CERS6: variants seen among roughly 807,000 people sequenced by gnomAD.
CERS6 encodes ceramide synthase 6, also known as LAG1 homolog, ceramide synthase 6.
A neutral mutation model predicts 56.8 loss-of-function variants in CERS6; 26 were observed. The ratio of observed to expected loss-of-function variants is 0.46; its 90% CI spans 0.34 to 0.63. CERS6 has a LOEUF of 0.63. CERS6 is among the 30% of genes least tolerant of loss of function. The pLI, the probability that CERS6 is intolerant of heterozygous loss-of-function variation, is 0.01. For synonymous variants in CERS6, 164 were observed against 173.3 expected (o/e 0.95, Z 0.42); for missense variants, 415 against 467.5 (o/e 0.89, Z 1.04).
chr2:168,536,532 C>T (rs1695267473), intron 1 of CERS6, among the ~76,000 whole-genome samples: 1 of 151,870 alleles, frequency 6.6e-6, no homozygotes, highest in Non-Finnish European at 1.5e-5. Context: ...TATATGTATC[C>T]TATAACATGT....
intron 6 of CERS6, among the ~76,000 whole-genome samples, chr2:168,704,661 C>G (rs1372919627): frequency 7.2e-5 from 11 of 152,152 alleles, no homozygotes; most frequent in Non-Finnish European, 1.2e-4. Flanking sequence ...GGCTCGAGTG[C>G]AGTGGCGTGA....
intron 1 of CERS6, among the ~76,000 whole-genome samples, chr2:168,494,660 C>A (rs1486691476): frequency 6.6e-6 from 1 of 152,048 alleles, no homozygotes; most frequent in African/African-American, 2.4e-5. Context: ...AAGAAGAGAC[C>A]CAGAGCCAGC....
At chr2:168,542,571 A>G (rs1439986428) in intron 1 of CERS6, among the ~76,000 whole-genome samples, 1 of 152,242 alleles carries the variant, frequency 6.6e-6, no homozygotes, top group Non-Finnish European at 1.5e-5. Context: ...CATGCTACCC[A>G]CTTGAGATGA....
At chr2:168,597,187 T>G (rs996192086) in intron 3 of CERS6, among the ~76,000 whole-genome samples, 2 of 152,170 alleles carry the variant, frequency 1.3e-5, no homozygotes, top group African/African-American at 4.8e-5. Context: ...ACATAGGGTT[T>G]TATTGGAGGG....
chr2:168,552,211 T>G (rs1190331599), intron 2 of CERS6, among the ~76,000 whole-genome samples: 4 of 152,120 alleles, frequency 2.6e-5, no homozygotes, highest in Non-Finnish European at 5.9e-5. Context: ...GTTATTAATA[T>G]TAACCTAGGT....
chr2:168,674,515 C>T (rs1284253676), intron 4 of CERS6, among the ~76,000 whole-genome samples: 1 of 152,190 alleles, frequency 6.6e-6, no homozygotes, highest in East Asian at 1.9e-4. Flanking sequence ...GTATCGGATA[C>T]TATTGATGTG....
chr2:168,530,752 A>G (rs1695152462), intron 1 of CERS6, among the ~76,000 whole-genome samples: 1 of 152,130 alleles, frequency 6.6e-6, no homozygotes, highest in South Asian at 2.1e-4. Context: ...ATTACCTTGG[A>G]CTTTCCAAGG....
chr2:168,574,957 T>G (rs1345422464), intron 3 of CERS6, among the ~76,000 whole-genome samples: 1 of 152,354 alleles, frequency 6.6e-6, no homozygotes, highest in East Asian at 1.9e-4. Context: ...GTTGAGAACA[T>G]GATTTTCTGG....
At chr2:168,657,378 T>C (rs1685505640) in intron 4 of CERS6, among the ~76,000 whole-genome samples, 1 of 152,266 alleles carries the variant, frequency 6.6e-6, no homozygotes, top group Admixed American at 6.5e-5. Flanking sequence ...TGGCTTCACC[T>C]AGTGGATCCC....
chr2:168,541,987 C>G (rs1277864719), intron 1 of CERS6, among the ~76,000 whole-genome samples: 1 of 152,136 alleles, frequency 6.6e-6, no homozygotes, highest in East Asian at 1.9e-4. Flanking sequence ...TGTCTGATCT[C>G]AGGGTAGAGC....
At chr2:168,641,281 A>T (rs372292700) in intron 4 of CERS6, among the ~76,000 whole-genome samples, 2 of 151,824 alleles carry the variant, frequency 1.3e-5, no homozygotes, top group East Asian at 1.9e-4. Flanking sequence ...GTGTCTTTCA[A>T]TTAAACTGAT....
In CERS6 at chr2:168,496,840, T is replaced by A. The variant is rs140629602; in HGVS notation, c.170+40222T>A. Among the ~76,000 whole-genome samples, 386 of 152,318 alleles carry A rather than the reference T, an allele frequency of 2.5e-3. 1 individual carries two copies. The highest frequency in any genetic ancestry group is 8.6e-3 in the African/African-American group (356 of 41,586). On this transcript the variant is annotated intron_variant, in intron 1 of 9. Transcript: ENST00000305747. Reference sequence around the variant, plus strand: ...TCCATTTAATTCTAAAATGAAAATTTTACTTTCAGCTTCATGCCTAACAAG... The same window carrying A: ...TCCATTTAATTCTAAAATGAAAATTATACTTTCAGCTTCATGCCTAACAAG...
chr2:168,499,504 G>C (rs6712205), intron 1 of CERS6, among the ~76,000 whole-genome samples: 2 of 152,158 alleles, frequency 1.3e-5, no homozygotes, highest in South Asian at 2.1e-4. Flanking sequence ...GGAGCCAGCT[G>C]TAAGATCATT....
chr2:168,772,347 G>A lies in CERS6; in HGVS notation c.*2685G>A, dbSNP rs1684885609. The A allele has an allele frequency of 6.6e-6, 1 of 152,480 alleles. No individual in the cohort carries two copies. The highest frequency in any genetic ancestry group is 2.1e-4 in the South Asian group (1 of 4,822). 9.4% of individuals were successfully genotyped at this position (152,480 alleles called of 1,614,324 possible). A position where few individuals can be genotyped will look rare whatever the true frequency, so the allele number is the denominator to read the frequency against. On this transcript the variant is annotated 3_prime_UTR_variant, in exon 10 of 10. Transcript: ENST00000305747. ...AGCTTTTCTGGATCTCTTAGTAGGG[G>A]GAAAGTAGAAAATCGAGTAGAATTT...
At chr2:168,655,831 A>G (rs944518390) in intron 4 of CERS6, among the ~76,000 whole-genome samples, 5 of 152,242 alleles carry the variant, frequency 3.3e-5, no homozygotes, top group African/African-American at 7.2e-5. Flanking sequence ...ATAGTATATT[A>G]GGGATTTTTG....
chr2:168,457,874 C>T (rs888386302), intron 1 of CERS6, among the ~76,000 whole-genome samples: 6 of 152,078 alleles, frequency 3.9e-5, no homozygotes, highest in African/African-American at 1.4e-4. Flanking sequence ...TATTTTTCAC[C>T]GGACAGTATT....
intron 4 of CERS6, among the ~76,000 whole-genome samples, chr2:168,671,185 T>TC (rs1395211003): frequency 6.6e-6 from 1 of 152,072 alleles, no homozygotes; most frequent in Non-Finnish European, 1.5e-5. Context: ...CAGGATGGTC[T>TC]CCATCTCCTG....
chr2:168,752,422 T>C lies in CERS6; in HGVS notation c.846-13170T>C, dbSNP rs1037092875. ...TCAAGCCTTGCATGCAAATTGAAAA[T>C]TAAAGAGAGCAACATGGCAAAATGT... On this transcript the variant is annotated intron_variant, in intron 8 of 9. Transcript: ENST00000305747. Among the ~76,000 whole-genome samples, 5 of 151,476 alleles carry C rather than the reference T, an allele frequency of 3.3e-5. No homozygotes were observed. In the South Asian group the frequency reaches 1.0e-3, roughly 32 times the overall value.
At chr2:168,614,565 TGTGGAAGCTGG>T (rs965906694) in intron 3 of CERS6, among the ~76,000 whole-genome samples, 15 of 152,180 alleles carry the variant, frequency 9.9e-5, no homozygotes, top group African/African-American at 3.6e-4. Flanking sequence ...TTTTGGGTTG[TGTGGAAGCTGG>T]GTGATGCCTG....
Sources: gnomAD v4.1 joint callset for allele counts (sites outside exome capture counted in the v4.1 genomes callset) on GRCh38, gnomAD v4.1.1 for gene constraint, MANE v1.5 for transcripts, NCBI Gene and HGNC (gene_info 2026-07-23, HGNC 2026-07-21) for gene names.